TMEM40: variants seen among roughly 807,000 people sequenced by gnomAD.
TMEM40 encodes transmembrane protein 40.
TMEM40 carries 34 observed loss-of-function variants against 40.8 expected under a neutral mutation model. That is an observed-to-expected ratio of 0.83 (90% CI 0.63 to 1.11). The LOEUF is 1.11. TMEM40 is among the 50% of genes least tolerant of loss of function. The pLI, the probability that TMEM40 is intolerant of heterozygous loss-of-function variation, is 0.00. For missense variants in TMEM40, 296 were observed against 280.2 expected (o/e 1.06, Z -0.40); for synonymous variants, 106 against 107.0 (o/e 0.99, Z 0.06).
At chr3:12,749,435 T>C (rs2061455959) in intron 2 of TMEM40, among the ~76,000 whole-genome samples, 2 of 152,164 alleles carry the variant, frequency 1.3e-5, no homozygotes, top group South Asian at 4.1e-4. Context: ...TGTGATCAAG[T>C]CCTAAACCTT....
chr3:12,753,207 C>CTT (rs1386357463), intron 1 of TMEM40, among the ~76,000 whole-genome samples: 10 of 123,578 alleles, frequency 8.1e-5, no homozygotes, highest in African/African-American at 3.2e-4. Context: ...TTCTTTCTTT[C>CTT]TTTCTTTTTT....
chr3:12,735,497 T>C lies in TMEM40; in HGVS notation c.682+58A>G. 3.8e-6 allele frequency: 6 copies of C among 1,560,080 alleles called. No homozygotes were observed. In the South Asian group the frequency reaches 6.7e-5, roughly 17 times the overall value. On this transcript the variant is annotated intron_variant, in intron 11 of 11. Transcript: ENST00000314124. ...CTTTCCTGTATGCTAAGCCTCTTTC[T>C]AAATGAAGACCCTGCTAGGGAGAAA... is the stretch of plus-strand genomic sequence containing the variant.
intron 1 of TMEM40, among the ~76,000 whole-genome samples, chr3:12,755,335 G>A (rs1260154807): frequency 6.7e-6 from 1 of 149,532 alleles, no homozygotes; most frequent in African/African-American, 2.5e-5. Flanking sequence ...AAGTGCATTG[G>A]AGCAATCATG....
intron 1 of TMEM40, among the ~76,000 whole-genome samples, chr3:12,754,761 CCTAGGGATGAG>C (rs927289244): frequency 1.3e-5 from 2 of 152,110 alleles, no homozygotes; most frequent in African/African-American, 4.8e-5. Flanking sequence ...GGGCACTTGA[CCTAGGGATGAG>C]CTCCACATGG....
At chr3:12,755,034 CCCT>C (rs1272733944) in intron 1 of TMEM40, among the ~76,000 whole-genome samples, 19 of 146,534 alleles carry the variant, frequency 1.3e-4, no homozygotes, top group African/African-American at 4.5e-4. Flanking sequence ...CCCCCTCCCT[CCCT>C]CCTTTCTTTC....
At chr3:12,755,391 T>A (rs962166506) in intron 1 of TMEM40, among the ~76,000 whole-genome samples, 2 of 151,786 alleles carry the variant, frequency 1.3e-5, no homozygotes, top group Non-Finnish European at 2.9e-5. Flanking sequence ...TTCTCCTGCC[T>A]CAGCCTCCCA....
rs760466277 is a variant in TMEM40 at position 12,734,729 on chromosome 3, G to C, written c.*45C>G. On this transcript the variant is annotated 3_prime_UTR_variant, in exon 12 of 12. Transcript: ENST00000314124. ...CCTTGTGGGCTCAGGGGTCGCAGTG[G>C]TGGTCACACTGGGGCCTGCCTCTGC... is the stretch of plus-strand genomic sequence containing the variant. The C allele has an allele frequency of 6.3e-7, 1 of 1,577,868 alleles. No homozygotes were observed. The highest frequency in any genetic ancestry group is 1.3e-5 in the African/African-American group (1 of 74,156).
intron 5 of TMEM40, among the ~76,000 whole-genome samples, chr3:12,740,304 G>T (rs906614350): frequency 2.7e-5 from 4 of 149,970 alleles, no homozygotes; most frequent in African/African-American, 4.9e-5. Context: ...TGGCCAGGCT[G>T]GTCTTGAACT....
chr3:12,758,193 A>C (rs1559534819), intron 1 of TMEM40, among the ~76,000 whole-genome samples: 3 of 151,542 alleles, frequency 2.0e-5, no homozygotes, highest in African/African-American at 7.3e-5. Context: ...AGCACTTGAG[A>C]TCTCTCTCTC....
intron 4 of TMEM40, among the ~76,000 whole-genome samples, chr3:12,743,575 T>C (rs2061399782): frequency 6.6e-6 from 1 of 152,208 alleles, no homozygotes; most frequent in South Asian, 2.1e-4. Flanking sequence ...AATTCCACCA[T>C]CCTGAGATAA....
chr3:12,734,209 G>A lies in TMEM40; in HGVS notation c.*565C>T, dbSNP rs2061321452. The A allele has an allele frequency of 6.6e-6, 1 of 152,282 alleles. No individual in the cohort carries two copies. Among genetic ancestry groups the A allele is most frequent in the Non-Finnish European group, 1.5e-5 (1 of 68,164 alleles). 9.4% of individuals were successfully genotyped at this position (152,282 alleles called of 1,614,324 possible). A position where few individuals can be genotyped will look rare whatever the true frequency, so the allele number is the denominator to read the frequency against. ...ATTACAGTTGTGAGCCCCCATGCCT[G>A]GCTGCCATTTAGTTTCTGATGATCA... On this transcript the variant is annotated 3_prime_UTR_variant, in exon 12 of 12. Transcript: ENST00000314124.
chr3:12,742,379 C>T, intron 5 of TMEM40, 75 bp downstream of exon 5: 1 of 1,548,054 alleles, frequency 6.5e-7, no homozygotes, highest in South Asian at 1.1e-5. Flanking sequence ...ACCCTCATGA[C>T]CTTGTTTCTG....
At chr3:12,748,267 T>A (rs1407927122) in intron 3 of TMEM40, among the ~76,000 whole-genome samples, 1 of 152,212 alleles carries the variant, frequency 6.6e-6, no homozygotes, top group Non-Finnish European at 1.5e-5. Context: ...AGCTACTTAG[T>A]GGTAGAGACA....
intron 6 of TMEM40, 120 bp downstream of exon 6, chr3:12,738,433 G>A (rs940804171): frequency 1.8e-5 from 22 of 1,192,772 alleles, no homozygotes; most frequent in Admixed American, 3.4e-5. Context: ...GTGGACCTGG[G>A]GCTCCTGTTT....
intron 8 of TMEM40, among the ~76,000 whole-genome samples, chr3:12,737,131 C>A (rs764795033): frequency 1.3e-5 from 2 of 151,844 alleles, no homozygotes; most frequent in Non-Finnish European, 2.9e-5. Flanking sequence ...CCTCTCATCT[C>A]GGCCTCCCAA....
chr3:12,739,906 C>A (rs899938401), intron 5 of TMEM40, among the ~76,000 whole-genome samples: 3 of 151,200 alleles, frequency 2.0e-5, no homozygotes, highest in African/African-American at 7.3e-5. Context: ...TCACTGCAGT[C>A]TCAAACTCTT....
At chr3:12,766,477 C>T (rs1323823609) in intron 1 of TMEM40, among the ~76,000 whole-genome samples, 2 of 151,792 alleles carry the variant, frequency 1.3e-5, no homozygotes, top group Non-Finnish European at 2.9e-5. Flanking sequence ...TGCCTGTAGT[C>T]CCAGCTACTC....
At chr3:12,751,817 G>A (rs2061479322) in intron 1 of TMEM40, among the ~76,000 whole-genome samples, 1 of 151,950 alleles carries the variant, frequency 6.6e-6, no homozygotes, top group Non-Finnish European at 1.5e-5. Context: ...GAGTTGTAGA[G>A]CCACGTGGGG....
rs144839288 is a variant in TMEM40, at chr3:12,745,226, A to ATTTTTTTTTTTTT, written c.212-1250_212-1238dup. On this transcript the variant is annotated intron_variant, in intron 3 of 11. Coordinates refer to ENST00000314124, the MANE Select transcript of TMEM40 (RefSeq NM_018306.4). ...AGGCGTGCACCACCACACCTGGCTA[A>ATTTTTTTTTTTTT]TTTTTTTTTTTTTTTTTTTTTACTA... 1.3e-3 allele frequency among the ~76,000 whole-genome samples: 165 copies of ATTTTTTTTTTTTT among 127,092 alleles called. 1 individual carries two copies. The highest frequency in any genetic ancestry group is 4.3e-3 in the African/African-American group (136 of 31,908). The allele number at this position is 127,092 out of a possible 152,430, so 83.4% of individuals were successfully genotyped here. A position where few individuals can be genotyped will look rare whatever the true frequency, so the allele number is the denominator to read the frequency against.
Sources: allele counts gnomAD v4.1 joint callset (sites outside exome capture counted in the v4.1 genomes callset), GRCh38; gene constraint gnomAD v4.1.1; transcripts MANE v1.5; gene names NCBI Gene and HGNC (gene_info 2026-07-23, HGNC 2026-07-21).